Variants in GFOD1 observed in about 807,000 individuals in gnomAD.
The protein encoded by GFOD1 is Gfo/Idh/MocA-like oxidoreductase domain containing 1.
Under a neutral mutation model 25.4 loss-of-function variants are expected in GFOD1, and 9 were observed. That is an observed-to-expected ratio of 0.35 (90% CI 0.21 to 0.62). GFOD1 has a LOEUF of 0.62. Among genes scored for constraint, GFOD1 ranks in the 20% least tolerant of loss-of-function variants. GFOD1 has a pLI of 0.72. For synonymous variants in GFOD1, 253 were observed against 245.6 expected, an observed-to-expected ratio of 1.03 and a Z score of -0.28; for missense variants, 403 against 556.9, an observed-to-expected ratio of 0.72 and a Z score of 2.78.
intron 1 of GFOD1, among the ~76,000 whole-genome samples, chr6:13,420,119 G>T (rs904808127): frequency 2.6e-5 from 4 of 151,074 alleles, no homozygotes; most frequent in Non-Finnish European, 1.5e-5. Flanking sequence ...ATACCTTCTG[G>T]CTCGCATGGG....
At chr6:13,485,581 T>C (rs1169533481) in intron 1 of GFOD1, among the ~76,000 whole-genome samples, 1 of 152,034 alleles carries the variant, frequency 6.6e-6, no homozygotes, top group Non-Finnish European at 1.5e-5. Flanking sequence ...TTAGGTTACG[T>C]GCAAGAACTG....
chr6:13,407,906 TCACC>T (rs1785976894), intron 1 of GFOD1: 1 of 798,090 alleles, frequency 1.3e-6, no homozygotes, highest in Non-Finnish European at 1.5e-6. Context: ...CTCCCTGTAC[TCACC>T]CAACCAACTG....
chr6:13,469,707 A>T (rs1029932601), intron 1 of GFOD1: 2 of 1,182,728 alleles, frequency 1.7e-6, no homozygotes, highest in Admixed American at 3.7e-5. Flanking sequence ...CCTTTTAGAC[A>T]TATCTATATT....
intron 1 of GFOD1, among the ~76,000 whole-genome samples, chr6:13,478,121 T>C (rs1477285730): frequency 1.3e-5 from 2 of 151,930 alleles, no homozygotes; most frequent in Non-Finnish European, 2.9e-5. Flanking sequence ...AAGAAATGTC[T>C]ACATTTGGTT....
chr6:13,371,132 T>G (rs1271386412), intron 1 of GFOD1, among the ~76,000 whole-genome samples: 1 of 152,236 alleles, frequency 6.6e-6, no homozygotes, highest in Non-Finnish European at 1.5e-5. Flanking sequence ...TTCTTTGACT[T>G]GAGGGTAAGT....
chr6:13,477,486 T>C (rs1758654151), intron 1 of GFOD1, among the ~76,000 whole-genome samples: 1 of 152,022 alleles, frequency 6.6e-6, no homozygotes, highest in Admixed American at 6.6e-5. Flanking sequence ...AAAGGGACTA[T>C]GTCTCGTGGC....
chr6:13,457,709 T>C (rs1758214811), intron 1 of GFOD1, among the ~76,000 whole-genome samples: 1 of 152,260 alleles, frequency 6.6e-6, no homozygotes, highest in East Asian at 1.9e-4. Flanking sequence ...AAGTCATCCT[T>C]AACGCAGTTC....
chr6:13,381,929 A>G (rs1465539909), intron 1 of GFOD1, among the ~76,000 whole-genome samples: 1 of 143,772 alleles, frequency 7.0e-6, no homozygotes, highest in Admixed American at 6.8e-5. Flanking sequence ...ACACACACAC[A>G]CACACACACA....
At chr6:13,481,726 C>T (rs148856711) in intron 1 of GFOD1, among the ~76,000 whole-genome samples, 7 of 152,170 alleles carry the variant, frequency 4.6e-5, no homozygotes, top group East Asian at 1.9e-4. Context: ...GCGTCCTGAC[C>T]GTCAAGACGC....
chr6:13,444,717 T>G (rs966285457), intron 1 of GFOD1, among the ~76,000 whole-genome samples: 5 of 152,162 alleles, frequency 3.3e-5, no homozygotes, highest in African/African-American at 1.2e-4. Flanking sequence ...ACATTGTTCT[T>G]TAGACATAAT....
intron 1 of GFOD1, among the ~76,000 whole-genome samples, chr6:13,457,337 A>C (rs1758206993): frequency 6.6e-6 from 1 of 152,180 alleles, no homozygotes; most frequent in Non-Finnish European, 1.5e-5. Context: ...GCACTCAATA[A>C]ACATTTGGGG....
intron 1 of GFOD1, among the ~76,000 whole-genome samples, chr6:13,373,978 T>C (rs1473823103): frequency 6.6e-6 from 1 of 152,230 alleles, no homozygotes; most frequent in Non-Finnish European, 1.5e-5. Context: ...AAGACTAGTC[T>C]GATCTGCTCA....
chr6:13,373,144 A>G (rs1194681007), intron 1 of GFOD1, among the ~76,000 whole-genome samples: 1 of 152,244 alleles, frequency 6.6e-6, no homozygotes, highest in Non-Finnish European at 1.5e-5. Flanking sequence ...CTCACAGTCT[A>G]GTAGAGGAGA....
intron 1 of GFOD1, among the ~76,000 whole-genome samples, chr6:13,417,658 T>A (rs1161736746): frequency 2.0e-5 from 3 of 152,224 alleles, no homozygotes; most frequent in African/African-American, 7.2e-5. Context: ...TCACACAGCC[T>A]GTCAGGCACA....
intron 1 of GFOD1, among the ~76,000 whole-genome samples, chr6:13,484,737 C>T (rs1298385948): frequency 6.6e-6 from 1 of 152,170 alleles, no homozygotes. Flanking sequence ...ACTTTCATGG[C>T]CATGGTCCCA....
intron 1 of GFOD1, among the ~76,000 whole-genome samples, chr6:13,397,424 G>C (rs1785754586): frequency 6.6e-6 from 1 of 152,232 alleles, no homozygotes; most frequent in Non-Finnish European, 1.5e-5. Flanking sequence ...ACTCGGGCCT[G>C]CCGTGAGAAA....
In GFOD1 at chr6:13,424,342, AGAT is replaced by A. The variant is rs531972565; in HGVS notation, c.254-58683_254-58681del. ...TTAACAGATTTGCCAAACATTAGGA[AGAT>A]GATGATGATGATGATGATGGTGACC... On this transcript the variant is annotated intron_variant, in intron 1 of 1. Coordinates refer to ENST00000379287, the MANE Select transcript of GFOD1 (RefSeq NM_018988.4). Among the ~76,000 whole-genome samples the A allele has an allele frequency of 7.9e-3, 1,209 of 152,144 alleles. 7 individuals are homozygous for A. Among genetic ancestry groups the A allele is most frequent in the Non-Finnish European group, 0.013 (902 of 67,980 alleles).
intron 1 of GFOD1, among the ~76,000 whole-genome samples, chr6:13,414,316 G>A (rs519890): frequency 0.57 from 86,997 of 152,212 alleles, 28,712 homozygotes; most frequent in Non-Finnish European, 0.72. Context: ...ACTGGCAGGA[G>A]AGCCAGGCTT....
chr6:13,443,558 G>A (rs770655553), intron 1 of GFOD1, among the ~76,000 whole-genome samples: 2 of 152,186 alleles, frequency 1.3e-5, no homozygotes, highest in Non-Finnish European at 2.9e-5. Context: ...GCTCATGCCT[G>A]TAATTCCAGC....
Sources: allele counts gnomAD v4.1 joint callset (sites outside exome capture counted in the v4.1 genomes callset), GRCh38; gene constraint gnomAD v4.1.1; transcripts MANE v1.5; gene names NCBI Gene and HGNC (gene_info 2026-07-23, HGNC 2026-07-21).